VPS35L: variants seen among roughly 807,000 people sequenced by gnomAD.
The protein encoded by VPS35L is VPS35 endosomal protein sorting factor like.
In VPS35L, 83 loss-of-function variants were observed where a neutral mutation model predicts 133.0. That is an observed-to-expected ratio of 0.62 (90% CI 0.52 to 0.75). The LOEUF (loss-of-function observed/expected upper bound fraction) is 0.75, where lower values mean the gene tolerates loss of function less well. VPS35L is among the 30% of genes least tolerant of loss of function. The pLI, the probability that VPS35L is intolerant of heterozygous loss-of-function variation, is 0.00. For missense variants in VPS35L, 1,083 were observed against 1,206.8 expected (o/e 0.90, Z 1.52); for synonymous variants, 423 against 449.9 (o/e 0.94, Z 0.76).
Position 19,675,694 on chromosome 16 carries a change from C to T in VPS35L, c.2361+6395C>T, listed in dbSNP as rs1035765590. 8.5e-5 allele frequency among the ~76,000 whole-genome samples: 13 copies of T among 152,078 alleles called. No homozygotes were observed. The South Asian group carries it at 2.5e-3, about 29-fold the overall frequency. Reference sequence around the variant, plus strand: ...CCTCCCGAGTAGCTGGAATTACAGGCGTGTGCCACCATGCCCAGCTAATTT... The same window carrying T: ...CCTCCCGAGTAGCTGGAATTACAGGTGTGTGCCACCATGCCCAGCTAATTT... On this transcript the variant is annotated intron_variant, in intron 27 of 30. Coordinates refer to ENST00000417362, the MANE Select transcript of VPS35L (RefSeq NM_020314.7).
chr16:19,695,204 A>G (rs542434082), intron 29 of VPS35L, among the ~76,000 whole-genome samples: 1 of 152,304 alleles, frequency 6.6e-6, no homozygotes, highest in East Asian at 1.9e-4. Context: ...CACCCACAGA[A>G]CACTTGACAT....
chr16:19,619,264 T>TA (rs1973000194), intron 14 of VPS35L, among the ~76,000 whole-genome samples: 1 of 152,084 alleles, frequency 6.6e-6, no homozygotes, highest in African/African-American at 2.4e-5. Context: ...TTTCAACAAG[T>TA]ATGCACTGCT....
intron 4 of VPS35L, among the ~76,000 whole-genome samples, chr16:19,574,321 C>T (rs1009104811): frequency 6.6e-6 from 1 of 152,110 alleles, no homozygotes; most frequent in Non-Finnish European, 1.5e-5. Context: ...AAGAAAGATG[C>T]GCCCCCTCCC....
chr16:19,576,226 A>T lies in VPS35L; in HGVS notation c.433+1104A>T, dbSNP rs139618066. 2.1e-3 allele frequency among the ~76,000 whole-genome samples: 316 copies of T among 151,616 alleles called. 1 individual carries two copies. Among genetic ancestry groups the T allele is most frequent in the African/African-American group, 6.8e-3 (279 of 41,280 alleles). On this transcript the variant is annotated intron_variant, in intron 5 of 30. Transcript: ENST00000417362. The stretch of plus-strand genomic sequence containing the variant: ...GTTACTAGGAGTAAAACGTAAGCTT[A>T]CTGTTTAAGAATTACAGAGGAAGTA...
At chr16:19,630,479 G>A (rs1273218362) in intron 18 of VPS35L, among the ~76,000 whole-genome samples, 6 of 151,800 alleles carry the variant, frequency 4.0e-5, no homozygotes, top group South Asian at 4.2e-4. Flanking sequence ...GACTACAGGC[G>A]CCTGCCACCA....
intron 14 of VPS35L, among the ~76,000 whole-genome samples, chr16:19,624,872 GT>G (rs1973212322): frequency 6.6e-6 from 1 of 152,204 alleles, no homozygotes; most frequent in Admixed American, 6.5e-5. Context: ...GAGTAAGAGA[GT>G]AAAGGGAAGT....
chr16:19,582,254 C>T (rs1348155887), intron 7 of VPS35L, among the ~76,000 whole-genome samples: 1 of 152,190 alleles, frequency 6.6e-6, no homozygotes, highest in Non-Finnish European at 1.5e-5. Flanking sequence ...CCTGCTGTCT[C>T]AGCAAAATGT....
chr16:19,682,523 C>T (rs1975320924), intron 28 of VPS35L, 133 bp downstream of exon 28: 1 of 996,508 alleles, frequency 1.0e-6, no homozygotes, highest in Non-Finnish European at 1.4e-6. Flanking sequence ...CAGGGTCTCA[C>T]TGTATTTACC....
At chr16:19,596,894 C>T (rs1196823579) in intron 8 of VPS35L, among the ~76,000 whole-genome samples, 1 of 152,022 alleles carries the variant, frequency 6.6e-6, no homozygotes, top group African/African-American at 2.4e-5. Context: ...TGGTACGCGC[C>T]TGTAATCCCA....
chr16:19,692,124 C>G (rs906547609), intron 29 of VPS35L, among the ~76,000 whole-genome samples: 2 of 152,126 alleles, frequency 1.3e-5, no homozygotes, highest in Non-Finnish European at 2.9e-5. Flanking sequence ...GATCCGCCTA[C>G]CTCGGCCTCC....
intron 11 of VPS35L, among the ~76,000 whole-genome samples, chr16:19,609,765 T>G (rs768769112): frequency 1.4e-4 from 21 of 152,136 alleles, no homozygotes; most frequent in Non-Finnish European, 2.6e-4. Flanking sequence ...CTGGAATAGT[T>G]TGGGGGAATA....
chr16:19,571,808 G>A (rs1971394615), intron 3 of VPS35L, among the ~76,000 whole-genome samples: 1 of 150,424 alleles, frequency 6.6e-6, no homozygotes, highest in Non-Finnish European at 1.5e-5. Context: ...GCCTCCCAAA[G>A]TGCTGGGATT....
At chr16:19,627,037 T>A (rs1973285570) in intron 15 of VPS35L, among the ~76,000 whole-genome samples, 1 of 151,922 alleles carries the variant, frequency 6.6e-6, no homozygotes, top group South Asian at 2.1e-4. Flanking sequence ...ATCCCAGCAC[T>A]TTGGGAGGCT....
chr16:19,678,423 G>GAA (rs889485386), intron 27 of VPS35L, among the ~76,000 whole-genome samples: 1 of 136,806 alleles, frequency 7.3e-6, no homozygotes, highest in Non-Finnish European at 1.6e-5. Flanking sequence ...TTTGTCTTAA[G>GAA]AAAAAAAAAA....
chr16:19,647,551 C>T (rs1973989150), intron 23 of VPS35L, among the ~76,000 whole-genome samples: 2 of 152,142 alleles, frequency 1.3e-5, no homozygotes, highest in South Asian at 4.1e-4. Context: ...GTGAAAAGGC[C>T]ACAGCTGACA....
chr16:19,596,965 A>G (rs537005748), intron 8 of VPS35L, among the ~76,000 whole-genome samples: 1 of 152,066 alleles, frequency 6.6e-6, no homozygotes, highest in East Asian at 1.9e-4. Context: ...GTTGCAGTGA[A>G]CTGAGATCAA....
chr16:19,644,782 CAA>C (rs1024831091), intron 22 of VPS35L, 102 bp from the exon 23 acceptor site: 50 of 706,814 alleles, frequency 7.1e-5, no homozygotes, highest in Non-Finnish European at 7.7e-5. Context: ...CTAGAAAATG[CAA>C]AATGTTCTTA....
At chr16:19,573,855 G>A (rs1285995738) in intron 4 of VPS35L, among the ~76,000 whole-genome samples, 1 of 152,004 alleles carries the variant, frequency 6.6e-6, no homozygotes, top group Non-Finnish European at 1.5e-5. Context: ...ATGAATTAAG[G>A]GAGGAGAGCA....
At chr16:19,557,684 G>A (rs183990085) in intron 1 of VPS35L, among the ~76,000 whole-genome samples, 210 of 151,512 alleles carry the variant, frequency 1.4e-3, no homozygotes, top group Non-Finnish European at 2.4e-3. Flanking sequence ...CACCCGGCCC[G>A]TGCTCTGAAC....
Sources: allele counts gnomAD v4.1 joint callset (sites outside exome capture counted in the v4.1 genomes callset), GRCh38; gene constraint gnomAD v4.1.1; transcripts MANE v1.5; gene names NCBI Gene and HGNC (gene_info 2026-07-23, HGNC 2026-07-21).